The following GPC6 variants were observed in gnomAD, a reference collection of about 807,000 sequenced individuals.
GPC6 encodes glypican 6.
Under a neutral mutation model 55.2 loss-of-function variants are expected in GPC6, and 14 were observed. That is an observed-to-expected ratio of 0.25 (90% CI 0.17 to 0.40). The LOEUF (loss-of-function observed/expected upper bound fraction) is 0.40. Ranked by LOEUF, GPC6 falls within the 10% of genes least tolerant of loss-of-function variation. GPC6 has a pLI of 1.00. For synonymous variants in GPC6, 278 were observed against 259.6 expected, an observed-to-expected ratio of 1.07 and a Z score of -0.68; for missense variants, 641 against 708.5, an observed-to-expected ratio of 0.90 and a Z score of 1.08.
chr13:93,345,534 C>T (rs1880398076), intron 1 of GPC6, among the ~76,000 whole-genome samples: 1 of 151,970 alleles, frequency 6.6e-6, no homozygotes, highest in Non-Finnish European at 1.5e-5. Flanking sequence ...ACTGCATGCA[C>T]ATACTCTTTC....
intron 4 of GPC6, among the ~76,000 whole-genome samples, chr13:94,055,581 T>C (rs1269458946): frequency 1.3e-5 from 2 of 152,206 alleles, no homozygotes; most frequent in Non-Finnish European, 2.9e-5. Flanking sequence ...ATAATTTAAC[T>C]GAATAAACTG....
At chr13:93,548,164 G>C (rs1301545178) in intron 2 of GPC6, among the ~76,000 whole-genome samples, 4 of 152,138 alleles carry the variant, frequency 2.6e-5, no homozygotes, top group Non-Finnish European at 5.9e-5. Context: ...TATTTGGTTA[G>C]TCATTTTGCA....
At chr13:94,163,126 A>G (rs1888226518) in intron 4 of GPC6, among the ~76,000 whole-genome samples, 1 of 152,216 alleles carries the variant, frequency 6.6e-6, no homozygotes, top group Admixed American at 6.5e-5. Flanking sequence ...TACTGTATAT[A>G]AAATATTGTG....
At chr13:93,687,444 G>A (rs1882090371) in intron 2 of GPC6, among the ~76,000 whole-genome samples, 1 of 152,022 alleles carries the variant, frequency 6.6e-6, no homozygotes, top group Non-Finnish European at 1.5e-5. Flanking sequence ...CAGCACTTAA[G>A]ACTTGTAAGG....
intron 2 of GPC6, among the ~76,000 whole-genome samples, chr13:93,703,645 C>T (rs1882749566): frequency 6.6e-6 from 1 of 151,854 alleles, no homozygotes; most frequent in South Asian, 2.1e-4. Context: ...CCCCCCGCCC[C>T]CGTTAACAAA....
intron 4 of GPC6, among the ~76,000 whole-genome samples, chr13:94,031,829 C>T (rs9516331): frequency 0.14 from 20,759 of 152,124 alleles, 1,774 homozygotes; most frequent in East Asian, 0.34. Context: ...TCACAAGAGG[C>T]CATGTTGCAG....
chr13:93,520,294 A>G (rs776165013), intron 1 of GPC6, among the ~76,000 whole-genome samples: 3 of 151,988 alleles, frequency 2.0e-5, no homozygotes, highest in Non-Finnish European at 2.9e-5. Context: ...TTTGAGGAGC[A>G]TTGGTTGACT....
intron 3 of GPC6, among the ~76,000 whole-genome samples, chr13:93,923,681 G>A (rs557689895): frequency 4.6e-5 from 7 of 152,254 alleles, no homozygotes; most frequent in African/African-American, 1.7e-4. Context: ...AATAAAATAT[G>A]TTTTCGCTAT....
At chr13:94,276,433 G>C (rs1892206860) in intron 4 of GPC6, among the ~76,000 whole-genome samples, 1 of 151,864 alleles carries the variant, frequency 6.6e-6, no homozygotes, top group Non-Finnish European at 1.5e-5. Context: ...AGGCTGGCGA[G>C]GTAGGTAGGG....
At chr13:93,553,567 C>G (rs576253473) in intron 2 of GPC6, among the ~76,000 whole-genome samples, 1 of 151,644 alleles carries the variant, frequency 6.6e-6, no homozygotes, top group African/African-American at 2.4e-5. Context: ...CGGGGGCATG[C>G]GCCTGTAATC....
At chr13:93,591,432 C>T (rs1390959326) in intron 2 of GPC6, among the ~76,000 whole-genome samples, 2 of 149,706 alleles carry the variant, frequency 1.3e-5, no homozygotes, top group Non-Finnish European at 3.0e-5. Flanking sequence ...CCACTGCACT[C>T]CAGCCTGGGC....
intron 3 of GPC6, among the ~76,000 whole-genome samples, chr13:93,843,785 G>T (rs990303589): frequency 3.3e-5 from 5 of 152,050 alleles, no homozygotes; most frequent in Non-Finnish European, 7.4e-5. Flanking sequence ...TTTAACGCAG[G>T]TCTGAACACT....
At chr13:94,031,110 ATG>A (rs148462602) in intron 4 of GPC6, among the ~76,000 whole-genome samples, 59 of 147,754 alleles carry the variant, frequency 4.0e-4, no homozygotes, top group African/African-American at 7.3e-4. Context: ...GTGTGCGTGC[ATG>A]TGTGTGTGTG....
intron 4 of GPC6, among the ~76,000 whole-genome samples, chr13:94,235,956 T>C (rs549627873): frequency 3.3e-5 from 5 of 152,284 alleles, no homozygotes; most frequent in Admixed American, 3.3e-4. Context: ...AGAACTCTTC[T>C]TGTCCAGTAT....
At chr13:94,127,265 C>T (rs909646397) in intron 4 of GPC6, among the ~76,000 whole-genome samples, 2 of 152,008 alleles carry the variant, frequency 1.3e-5, no homozygotes, top group African/African-American at 4.8e-5. Context: ...TTGTAATCCC[C>T]AATGCTGGAG....
chr13:94,071,882 C>T (rs766794833), intron 4 of GPC6, among the ~76,000 whole-genome samples: 14 of 152,166 alleles, frequency 9.2e-5, no homozygotes, highest in Non-Finnish European at 1.9e-4. Context: ...ACAGGACACC[C>T]AAAGTCTAAT....
intron 1 of GPC6, among the ~76,000 whole-genome samples, chr13:93,336,762 G>A (rs890912618): frequency 1.3e-5 from 2 of 152,172 alleles, no homozygotes; most frequent in African/African-American, 4.8e-5. Context: ...TAATACCGAT[G>A]ACTTGCAGAG....
At chr13:93,512,551 G>C (rs1398617981) in intron 1 of GPC6, among the ~76,000 whole-genome samples, 1 of 151,972 alleles carries the variant, frequency 6.6e-6, no homozygotes, top group Non-Finnish European at 1.5e-5. Context: ...TTTGCTGTTG[G>C]ATTCAGTTTG....
At chr13:94,174,412 T>C (rs1336897648) in intron 4 of GPC6, among the ~76,000 whole-genome samples, 1 of 152,046 alleles carries the variant, frequency 6.6e-6, no homozygotes, top group Non-Finnish European at 1.5e-5. Flanking sequence ...TGAAAAACAT[T>C]CAAAGATAAA....
Sources: gnomAD v4.1 joint callset for allele counts (sites outside exome capture counted in the v4.1 genomes callset) on GRCh38, gnomAD v4.1.1 for gene constraint, MANE v1.5 for transcripts, NCBI Gene and HGNC (gene_info 2026-07-23, HGNC 2026-07-21) for gene names.